The following LRRFIP1 variants were observed in gnomAD, a reference collection of about 807,000 sequenced individuals.
The protein encoded by LRRFIP1 is leucine-rich repeat flightless-interacting protein 1.
In LRRFIP1, 62 loss-of-function variants were observed where a neutral mutation model predicts 104.4. The ratio of observed to expected loss-of-function variants is 0.59; its 90% CI spans 0.48 to 0.73. The LOEUF (loss-of-function observed/expected upper bound fraction) is 0.73, where lower values mean the gene tolerates loss of function less well. LRRFIP1 is among the 30% of genes least tolerant of loss of function. The pLI, the probability that LRRFIP1 is intolerant of heterozygous loss-of-function variation, is 0.00. For synonymous variants in LRRFIP1, 300 were observed against 299.0 expected (o/e 1.00, Z -0.03); for missense variants, 796 against 824.5 (o/e 0.97, Z 0.42).
chr2:237,753,935 C>G (rs894446419), intron 15 of LRRFIP1, among the ~76,000 whole-genome samples: 2 of 151,860 alleles, frequency 1.3e-5, no homozygotes, highest in Non-Finnish European at 2.9e-5. Context: ...AACAATGGCT[C>G]TCCGCTTATC....
intron 19 of LRRFIP1, chr2:237,763,778 C>T (rs1485158402): frequency 2.5e-6 from 4 of 1,614,120 alleles, no homozygotes; most frequent in Non-Finnish European, 3.4e-6. Flanking sequence ...ATCATCAGGC[C>T]CGAGGGCTGG....
chr2:237,770,116 C>T (rs1490306469), intron 20 of LRRFIP1, 124 bp downstream of exon 20: 1 of 729,076 alleles, frequency 1.4e-6, no homozygotes, highest in Non-Finnish European at 2.4e-6. Flanking sequence ...TTTATCAAGC[C>T]AACTGGTGTT....
At chr2:237,768,402 TAAC>T (rs1481351410) in intron 19 of LRRFIP1, 5 of 152,214 alleles carry the variant, frequency 3.3e-5, no homozygotes, top group Non-Finnish European at 7.4e-5. Context: ...AAGAAAACAA[TAAC>T]AATTGTACAA....
chr2:237,642,507 G>A (rs911390966), intron 1 of LRRFIP1, among the ~76,000 whole-genome samples: 1 of 151,934 alleles, frequency 6.6e-6, no homozygotes, highest in Non-Finnish European at 1.5e-5. Flanking sequence ...AAGGGTTTCA[G>A]GTTCCGGGTT....
chr2:237,725,570 T>G (rs890251002), intron 7 of LRRFIP1, among the ~76,000 whole-genome samples: 2 of 152,208 alleles, frequency 1.3e-5, no homozygotes, highest in African/African-American at 4.8e-5. Flanking sequence ...AAGGTCAAAG[T>G]ACTTCTCCCT....
intron 1 of LRRFIP1, among the ~76,000 whole-genome samples, chr2:237,643,639 C>A (rs569036585): frequency 3.9e-5 from 6 of 152,326 alleles, no homozygotes; most frequent in African/African-American, 1.4e-4. Context: ...CTGGCCAGGG[C>A]CCCCAGCCCG....
At chr2:237,772,604 A>G (rs1055087792) in intron 21 of LRRFIP1, 6 of 541,406 alleles carry the variant, frequency 1.1e-5, no homozygotes, top group Admixed American at 3.5e-5. Flanking sequence ...ACCCCCTACC[A>G]TCTCTTTGTC....
At chr2:237,692,780 C>T (rs991282920) in intron 1 of LRRFIP1, among the ~76,000 whole-genome samples, 4 of 152,246 alleles carry the variant, frequency 2.6e-5, no homozygotes, top group African/African-American at 9.6e-5. Flanking sequence ...ATGGTCTCTC[C>T]CCGCCCGAGG....
At chr2:237,744,020 A>G (rs536200081) in intron 11 of LRRFIP1, among the ~76,000 whole-genome samples, 6 of 152,344 alleles carry the variant, frequency 3.9e-5, no homozygotes, top group African/African-American at 1.4e-4. Context: ...ATCTCTGCCC[A>G]TTTGGACTAG....
chr2:237,753,253 ATTCT>A, intron 14 of LRRFIP1, 52 bp from the exon 15 acceptor site: 7 of 1,375,602 alleles, frequency 5.1e-6, no homozygotes, highest in Non-Finnish European at 6.9e-6. Context: ...ATACTGAATG[ATTCT>A]TTGTTTTGAT....
chr2:237,652,075 G>A (rs1449522994), intron 1 of LRRFIP1, among the ~76,000 whole-genome samples: 1 of 152,232 alleles, frequency 6.6e-6, no homozygotes, highest in Non-Finnish European at 1.5e-5. Context: ...AAAAGTAGGT[G>A]CAGGTGGTGA....
chr2:237,772,499 A>G (rs2060731364), intron 21 of LRRFIP1: 4 of 403,348 alleles, frequency 9.9e-6, no homozygotes, highest in Non-Finnish European at 1.8e-5. Context: ...GATTGTATGA[A>G]AAAAAAAAAA....
chr2:237,759,354 G>C (rs2059624317), intron 18 of LRRFIP1, among the ~76,000 whole-genome samples: 2 of 152,128 alleles, frequency 1.3e-5, no homozygotes, highest in Non-Finnish European at 2.9e-5. Context: ...TGGGTGGGGG[G>C]GTTCCTGAAC....
intron 7 of LRRFIP1, among the ~76,000 whole-genome samples, chr2:237,726,637 A>C (rs959849186): frequency 3.3e-5 from 5 of 152,390 alleles, no homozygotes; most frequent in Non-Finnish European, 7.3e-5. Context: ...TAATTACTTA[A>C]GGTCACATGA....
At chr2:237,659,392 G>A (rs1314461764) in intron 1 of LRRFIP1, among the ~76,000 whole-genome samples, 1 of 151,824 alleles carries the variant, frequency 6.6e-6, no homozygotes, top group Non-Finnish European at 1.5e-5. Flanking sequence ...CACTGTGCCA[G>A]GCAGAAAAGG....
At chr2:237,747,566 A>G (rs376524219) in intron 11 of LRRFIP1, among the ~76,000 whole-genome samples, 1 of 152,198 alleles carries the variant, frequency 6.6e-6, no homozygotes, top group Non-Finnish European at 1.5e-5. Flanking sequence ...CTCAAGCTTC[A>G]TTATGAATTA....
chr2:237,736,156 G>A (rs1364449413), intron 10 of LRRFIP1, among the ~76,000 whole-genome samples: 1 of 152,190 alleles, frequency 6.6e-6, no homozygotes, highest in Non-Finnish European at 1.5e-5. Context: ...AGCCATCATG[G>A]ATATTCATGA....
At position 237,735,215 on chromosome 2, in the gene LRRFIP1, G is replaced by A; in HGVS notation, c.490-53G>A. Reference sequence around the variant, plus strand: ...AGCTCACGTTTTCAGCACTTTCTGGGCACTCTTGGAGAAAGGAAGAGCGCC... The same window carrying A: ...AGCTCACGTTTTCAGCACTTTCTGGACACTCTTGGAGAAAGGAAGAGCGCC... On this transcript the variant is annotated intron_variant, in intron 9 of 23. Transcript: ENST00000308482. This position sits in a 1 kb window ranked among gnomAD's most constrained non-coding sequence, Gnocchi z 4.6. The A allele has an allele frequency of 6.7e-7, 1 of 1,485,238 alleles. No individual in the cohort carries two copies. The highest frequency in any genetic ancestry group is 1.4e-5 in the African/African-American group (1 of 71,748). The allele number at this position is 1,485,238 out of a possible 1,614,324, so 92.0% of individuals were successfully genotyped here. A position where few individuals can be genotyped will look rare whatever the true frequency, so the allele number is the denominator to read the frequency against.
In LRRFIP1 at chr2:237,715,770, G is replaced by A. The variant is rs572366128; in HGVS notation, c.201+1494G>A. The stretch of plus-strand genomic sequence containing the variant: ...AGTAGCGCGGCTCCTGCTTCCCTCC[G>A]CATGGCTTCCGGATCATGGTAGTGA... On this transcript the variant is annotated intron_variant, in intron 3 of 23. Coordinates refer to ENST00000308482, the MANE Select transcript of LRRFIP1 (RefSeq NM_001137550.2). Among the ~76,000 whole-genome samples the A allele has an allele frequency of 3.3e-5, 5 of 152,330 alleles. No individual in the cohort carries two copies. The South Asian group carries it at 1.0e-3, about 32-fold the overall frequency.
Sources: gnomAD v4.1 joint callset for allele counts (sites outside exome capture counted in the v4.1 genomes callset) on GRCh38, gnomAD v4.1.1 for gene constraint, Gnocchi (gnomAD v3.1) non-coding constraint, MANE v1.5 for transcripts, NCBI Gene and HGNC (gene_info 2026-07-23, HGNC 2026-07-21) for gene names.